Variants in LDLRAD4 observed in about 807,000 individuals in gnomAD.
LDLRAD4 encodes the protein low density lipoprotein receptor class A domain containing 4.
In LDLRAD4, 5 loss-of-function variants were observed where a neutral mutation model predicts 17.0. The observed-to-expected ratio is 0.29, with a 90% CI of 0.15 to 0.62. The LOEUF (loss-of-function observed/expected upper bound fraction) is 0.62, where lower values mean the gene tolerates loss of function less well. Among genes scored for constraint, LDLRAD4 ranks in the 20% least tolerant of loss-of-function variants. LDLRAD4 has a pLI of 0.84. For missense variants in LDLRAD4, 340 were observed against 424.7 expected (o/e 0.80, Z 1.75); for synonymous variants, 168 against 171.8 (o/e 0.98, Z 0.17).
chr18:13,431,991 A>T (rs972292317), intron 2 of LDLRAD4, among the ~76,000 whole-genome samples: 4 of 152,134 alleles, frequency 2.6e-5, no homozygotes, highest in Admixed American at 6.5e-5. Flanking sequence ...AGGTTGGCTG[A>T]GCGTGGAGCT....
intron 3 of LDLRAD4, among the ~76,000 whole-genome samples, chr18:13,561,130 A>T (rs1320201173): frequency 1.1e-5 from 1 of 93,270 alleles, no homozygotes; most frequent in Admixed American, 1.1e-4. Flanking sequence ...CTCAGGGAAC[A>T]TCCTGCAGAT....
chr18:13,319,930 A>G (rs745548329), intron 1 of LDLRAD4, among the ~76,000 whole-genome samples: 1 of 152,244 alleles, frequency 6.6e-6, no homozygotes, highest in African/African-American at 2.4e-5. Flanking sequence ...TATAATTTTT[A>G]TAATAAATGA....
At chr18:13,511,512 AAAAT>A (rs762136036) in intron 3 of LDLRAD4, among the ~76,000 whole-genome samples, 6 of 152,204 alleles carry the variant, frequency 3.9e-5, no homozygotes, top group South Asian at 2.1e-4. Flanking sequence ...ACTCCGTCTC[AAAAT>A]AAATAAATAG....
chr18:13,233,399 G>C (rs1189056931), intron 1 of LDLRAD4, among the ~76,000 whole-genome samples: 1 of 152,186 alleles, frequency 6.6e-6, no homozygotes, highest in Non-Finnish European at 1.5e-5. Context: ...AGTAAGAGGC[G>C]GGACAGCTGT....
intron 3 of LDLRAD4, among the ~76,000 whole-genome samples, chr18:13,592,165 G>A (rs959473323): frequency 1.3e-5 from 2 of 152,236 alleles, no homozygotes; most frequent in African/African-American, 2.4e-5. Flanking sequence ...TTGTTGAATA[G>A]GAAGGAATGA....
At chr18:13,467,893 A>G (rs2092667866) in intron 3 of LDLRAD4, among the ~76,000 whole-genome samples, 1 of 152,270 alleles carries the variant, frequency 6.6e-6, no homozygotes, top group Non-Finnish European at 1.5e-5. Flanking sequence ...ATGGGAAAGA[A>G]TAGTCTTTTC....
intron 1 of LDLRAD4, among the ~76,000 whole-genome samples, chr18:13,273,008 T>C (rs1247504190): frequency 2.6e-5 from 4 of 152,092 alleles, no homozygotes; most frequent in Non-Finnish European, 5.9e-5. Context: ...TGTTAGAAAA[T>C]TGTCAAAACA....
In LDLRAD4 at chr18:13,241,618, C is replaced by T. The variant is rs186122439; in HGVS notation, c.-467+22630C>T. ...GGCCTCCTGCTGAAAGCCGGTATTG[C>T]TGAGACTCCAGGGTCAGCCTTCCAG... is the stretch of plus-strand genomic sequence containing the variant. On this transcript the variant is annotated intron_variant, in intron 1 of 5. Transcript: ENST00000399848. 6.7e-4 allele frequency: 102 copies of T among 152,434 alleles called. 1 individual carries two copies. Among genetic ancestry groups the T allele is most frequent in the Middle Eastern group, 6.8e-3 (2 of 294 alleles). The allele number at this position is 152,434 out of a possible 1,614,324, so 9.4% of individuals were successfully genotyped here.
intron 3 of LDLRAD4, among the ~76,000 whole-genome samples, chr18:13,558,836 G>A (rs2094510781): frequency 6.6e-6 from 1 of 152,124 alleles, no homozygotes; most frequent in Admixed American, 6.5e-5. Flanking sequence ...CTGTTAATAG[G>A]TGATCAACAG....
intron 4 of LDLRAD4, chr18:13,641,807 T>C (rs1178044112): frequency 2.0e-6 from 2 of 985,580 alleles, no homozygotes; most frequent in East Asian, 1.1e-4. Flanking sequence ...CTGTGGGCAC[T>C]TGGCCGGGTT....
chr18:13,532,800 T>C (rs991439190), intron 3 of LDLRAD4, among the ~76,000 whole-genome samples: 1 of 152,210 alleles, frequency 6.6e-6, no homozygotes, highest in Non-Finnish European at 1.5e-5. Flanking sequence ...GTGGAAGCCT[T>C]CTTTGCTCCT....
At chr18:13,563,957 G>A (rs2094567163) in intron 3 of LDLRAD4, among the ~76,000 whole-genome samples, 1 of 152,164 alleles carries the variant, frequency 6.6e-6, no homozygotes, top group African/African-American at 2.4e-5. Flanking sequence ...CTAAACTGGA[G>A]TGTGATGGTA....
intron 3 of LDLRAD4, among the ~76,000 whole-genome samples, chr18:13,586,875 A>AG (rs1217182518): frequency 1.7e-4 from 26 of 151,888 alleles, no homozygotes; most frequent in Admixed American, 1.7e-3. Context: ...AAAAAAAAAA[A>AG]AAAGGAAAAA....
chr18:13,504,266 A>G (rs1414974549), intron 3 of LDLRAD4, among the ~76,000 whole-genome samples: 1 of 152,210 alleles, frequency 6.6e-6, no homozygotes, highest in African/African-American at 2.4e-5. Flanking sequence ...AAGCATTACT[A>G]ATGGGTTGCT....
intron 1 of LDLRAD4, among the ~76,000 whole-genome samples, chr18:13,259,215 A>G (rs6505793): frequency 0.54 from 82,209 of 151,634 alleles, 22,444 homozygotes; most frequent in East Asian, 0.65. Flanking sequence ...TTCCTGCTCT[A>G]TTGCCCAGGC....
chr18:13,631,255 T>C (rs2041639725), intron 4 of LDLRAD4, among the ~76,000 whole-genome samples: 1 of 152,214 alleles, frequency 6.6e-6, no homozygotes, highest in Admixed American at 6.5e-5. Context: ...GCAAACCAAT[T>C]GGATAACCTA....
chr18:13,296,442 G>A (rs983013180), intron 1 of LDLRAD4, among the ~76,000 whole-genome samples: 7 of 152,082 alleles, frequency 4.6e-5, no homozygotes, highest in African/African-American at 1.7e-4. Context: ...CCTGTCTTCC[G>A]GGCTCAGAGA....
intron 2 of LDLRAD4, among the ~76,000 whole-genome samples, chr18:13,417,523 C>T (rs979723365): frequency 3.3e-5 from 5 of 151,708 alleles, no homozygotes; most frequent in African/African-American, 4.8e-5. Context: ...AGCTCTGCCT[C>T]CCGGGTTCAC....
At chr18:13,401,466 GGCTCCTTGTAAGTGCATT>G (rs2087190373) in intron 2 of LDLRAD4, among the ~76,000 whole-genome samples, 1 of 151,956 alleles carries the variant, frequency 6.6e-6, no homozygotes, top group Non-Finnish European at 1.5e-5. Context: ...TGTATTTCCT[GGCTCCTTGTAAGTGCATT>G]GCTCAGATGT....
Sources: gnomAD v4.1 joint callset for allele counts (sites outside exome capture counted in the v4.1 genomes callset) on GRCh38, gnomAD v4.1.1 for gene constraint, MANE v1.5 for transcripts, NCBI Gene and HGNC (gene_info 2026-07-23, HGNC 2026-07-21) for gene names.